The following DNHD1 variants were observed in gnomAD, a reference collection of about 807,000 sequenced individuals.
DNHD1 encodes dynein heavy chain domain-containing protein 1.
DNHD1 carries 383 observed loss-of-function variants against 458.1 expected under a neutral mutation model. That is an observed-to-expected ratio of 0.84 (90% CI 0.77 to 0.91). The LOEUF is 0.91. Ranked by LOEUF, DNHD1 falls within the 40% of genes least tolerant of loss-of-function variation. The pLI, the probability that DNHD1 is intolerant of heterozygous loss-of-function variation, is 0.00. For missense variants in DNHD1, 5,336 were observed against 5,866.1 expected, an observed-to-expected ratio of 0.91 and a Z score of 2.95; for synonymous variants, 2,203 against 2,376.9, an observed-to-expected ratio of 0.93 and a Z score of 2.13.
At chr11:6,565,605 C>G in intron 32 of DNHD1, 90 bp from the exon 33 acceptor site, 1 of 1,322,512 alleles carries the variant, frequency 7.6e-7, no homozygotes, top group Non-Finnish European at 1.0e-6. Flanking sequence ...GCAGACCTTC[C>G]CTCATGAAAT....
chr11:6,540,324 G>C (rs1853072202), intron 18 of DNHD1, among the ~76,000 whole-genome samples: 2 of 152,104 alleles, frequency 1.3e-5, no homozygotes, highest in Admixed American at 1.3e-4. Flanking sequence ...TTCAGCAAAG[G>C]TCCTCCCCTT....
intron 10 of DNHD1, 86 bp from the exon 11 acceptor site, chr11:6,528,436 T>TGTGTGC (rs397780353): frequency 8.6e-7 from 1 of 1,160,186 alleles, no homozygotes; most frequent in Non-Finnish European, 1.2e-6. Context: ...TGTGTGTGTG[T>TGTGTGC]ACACACACTG....
In DNHD1 at chr11:6,547,488, G is replaced by T; in HGVS notation, c.6549G>T (p.Glu2183Asp). ...TCGCTGAGCTCAACCACATGGCTGA[G>T]GTTCTGGTGCCTGCAACATTGCGAT... is the stretch of plus-strand genomic sequence containing the variant. ...RTVAELNHMAEVLVPATLRFL... is the reference protein window; with the variant it reads ...RTVAELNHMADVLVPATLRFL... Residue 2183 changes from glutamate to aspartate, a missense_variant, in exon 21 of 43, where the codon GAG becomes GAT. Glu to Asp is a conservative substitution (Grantham distance 45). Coordinates refer to ENST00000254579, the MANE Select transcript of DNHD1 (RefSeq NM_144666.3). 6.4e-7 allele frequency: 1 copy of T among 1,550,922 alleles called. No individual in the cohort carries two copies. Among genetic ancestry groups the T allele is most frequent in the Non-Finnish European group, 8.7e-7 (1 of 1,146,270 alleles).
intron 28 of DNHD1, 146 bp from the exon 29 acceptor site, chr11:6,562,836 C>T: frequency 2.2e-6 from 2 of 892,406 alleles, no homozygotes; most frequent in Non-Finnish European, 3.4e-6. Flanking sequence ...ACCCAGAGCT[C>T]AGCCTCTCTC....
chr11:6,564,544 AC>A lies in DNHD1; in HGVS notation c.10501del (p.Leu3501CysfsTer14). The A allele has an allele frequency of 1.3e-6, 2 of 1,551,124 alleles. No homozygotes were observed. The highest frequency in any genetic ancestry group is 1.7e-6 in the Non-Finnish European group (2 of 1,146,892). ...AAATCTGTCAGCATACCACCAAAGA[AC>A]CCCCTGCTGGCTACACACTCTCCCT... is the stretch of plus-strand genomic sequence containing the variant. ...KQKSVSIPPK[N>X]PLLATHSPFS... On this transcript the variant is annotated frameshift_variant, in exon 32 of 43. Transcript: ENST00000254579. LOFTEE classifies it high-confidence loss of function.
chr11:6,518,875 A>G (rs757624203), intron 7 of DNHD1, among the ~76,000 whole-genome samples: 1 of 152,220 alleles, frequency 6.6e-6, no homozygotes. Flanking sequence ...TACCAGAAGT[A>G]CAATTCACAG....
chr11:6,509,922 A>G (rs1156879894), intron 6 of DNHD1, among the ~76,000 whole-genome samples: 1 of 152,158 alleles, frequency 6.6e-6, no homozygotes, highest in Non-Finnish European at 1.5e-5. Context: ...GCATCTAAAG[A>G]GGATAGTCAC....
chr11:6,562,370 G>A (rs1181101779), intron 28 of DNHD1, among the ~76,000 whole-genome samples: 1 of 152,202 alleles, frequency 6.6e-6, no homozygotes, highest in Admixed American at 6.5e-5. Flanking sequence ...AGACCCCCAA[G>A]GGAAGATTTC....
At position 6,508,951 on chromosome 11, in the gene DNHD1, T is replaced by C. The variant is rs1264793081; in HGVS notation, c.992T>C (p.Ile331Thr). The C allele has an allele frequency of 6.2e-7, 1 of 1,614,218 alleles. No homozygotes were observed. The highest frequency in any genetic ancestry group is 1.1e-5 in the South Asian group (1 of 91,088). Residue 331 changes from isoleucine to threonine, a missense_variant, in exon 5 of 43, where the codon ATC (isoleucine) becomes ACC (threonine). By Grantham distance (89) the Ile-to-Thr change is moderately conservative. This residue lies in a region of DNHD1 where 3,932 missense variants were observed against 4,365.6 expected (regional missense o/e 0.90). Coordinates refer to ENST00000254579, the MANE Select transcript of DNHD1 (RefSeq NM_144666.3). ...CACTACATCTTCTCTCCCTTTGGGATCTTGCATGTACATCCTGTGGAAGGT... is the reference window on the plus strand; with the variant it reads ...CACTACATCTTCTCTCCCTTTGGGACCTTGCATGTACATCCTGTGGAAGGT... ...PEHYIFSPFG[I>T]LHVHPVEGSE...
At position 6,538,561 on chromosome 11, in the gene DNHD1, G is replaced by C. The variant is rs73407165; in HGVS notation, c.3126+51G>C. ...TTGACTGGGAGTGGAGGACTACAGT[G>C]GTGGGGGAGGGGAAGAGTCTCAAGC... On this transcript the variant is annotated intron_variant, in intron 15 of 42. Transcript: ENST00000254579. 746 of 1,551,242 alleles carry C rather than the reference G, an allele frequency of 4.8e-4. 1 individual carries two copies. In the African/African-American group the frequency reaches 8.7e-3, roughly 18 times the overall value.
Position 6,567,229 on chromosome 11 carries a change from T to A in DNHD1, c.11720T>A (p.Leu3907Gln), listed in dbSNP as rs1425048963. 2 of 1,614,016 alleles carry A rather than the reference T, an allele frequency of 1.2e-6. No homozygotes were observed. The change falls in exon 36 of 43, where the codon CTA becomes CAA. Residue 3907 changes from leucine (L) to glutamine (Q), a missense_variant. This residue lies in a region of DNHD1 where 695 missense variants were observed against 804.2 expected (regional missense o/e 0.86). Transcript: ENST00000254579. ...INHGEDLASH[L>Q]LQLRAHLTRQ... ...CACGGGGAGGACCTGGCCAGCCATC[T>A]ACTGCAATTGAGAGCACACCTGACC...
At position 6,556,837 on chromosome 11, in the gene DNHD1, G is replaced by A. The variant is rs1853472499; in HGVS notation, c.7542G>A (p.Leu2514=). The A allele has an allele frequency of 3.2e-6, 5 of 1,551,558 alleles. No individual in the cohort carries two copies. Among genetic ancestry groups the A allele is most frequent in the Non-Finnish European group, 4.4e-6 (5 of 1,146,998 alleles). The change falls in exon 25 of 43, where the codon CTG becomes CTA. Residue 2514 remains leucine (L), a synonymous_variant. Coordinates refer to ENST00000254579, the MANE Select transcript of DNHD1 (RefSeq NM_144666.3). ...TGCCAGGATACTGTGAGCGCCCACT[G>A]TGTCCACGCCTCTTTCGACTCTTCA... The part of the protein sequence containing the change: ...VTVPGYCERP[L]CPRLFRLFTV...
rs1184884043 is a variant in DNHD1, at chr11:6,544,877, T to C, written c.3938T>C (p.Val1313Ala). 6.4e-7 allele frequency: 1 copy of C among 1,551,706 alleles called. No individual in the cohort carries two copies. Among genetic ancestry groups the C allele is most frequent in the Non-Finnish European group, 8.7e-7 (1 of 1,146,972 alleles). The change falls in exon 21 of 43, where the codon GTG (valine) becomes GCG (alanine). Residue 1313 changes from valine to alanine, a missense_variant. Val to Ala is a moderately conservative substitution (Grantham distance 64). This residue lies in a region of DNHD1 where 3,932 missense variants were observed against 4,365.6 expected (regional missense o/e 0.90). Transcript: ENST00000254579. ...VADPMVLSLVVPSAERSPYFQ... is the reference protein window; with the variant it reads ...VADPMVLSLVAPSAERSPYFQ... ...GACCCCATGGTTCTGTCACTTGTAG[T>C]GCCCAGTGCCGAGAGGAGCCCTTAC...
At chr11:6,560,042 ATCAC>A (rs1853552996) in intron 28 of DNHD1, among the ~76,000 whole-genome samples, 1 of 152,224 alleles carries the variant, frequency 6.6e-6, no homozygotes, top group Non-Finnish European at 1.5e-5. Context: ...GATAGGGCTT[ATCAC>A]ACCTTCTAAA....
At chr11:6,556,319 C>G (rs928170974) in intron 24 of DNHD1, among the ~76,000 whole-genome samples, 5 of 152,158 alleles carry the variant, frequency 3.3e-5, no homozygotes, top group Admixed American at 6.5e-5. Context: ...TAACTGTATT[C>G]TCTTTGACTG....
At position 6,498,698 on chromosome 11, in the gene DNHD1, ATGCCCAGCT is replaced by A; in HGVS notation, c.489_497del (p.Ala164_Pro166del). On this transcript the variant is annotated inframe_deletion, in exon 3 of 43. Coordinates refer to ENST00000254579, the MANE Select transcript of DNHD1 (RefSeq NM_144666.3). ...AGCGGAGGCTCCATCACAGGCCCCC[ATGCCCAGCT>A]TGCCCTTTTGTGCAGGCCCAGTGGA... 6.2e-7 allele frequency: 1 copy of A among 1,614,160 alleles called. No individual in the cohort carries two copies. The highest frequency in any genetic ancestry group is 8.5e-7 in the Non-Finnish European group (1 of 1,180,026).
Position 6,544,784 on chromosome 11 carries a change from C to CA in DNHD1, c.3853-7dup. On this transcript the variant is annotated splice_polypyrimidine_tract_variant and splice_region_variant and intron_variant, in intron 20 of 42. Transcript: ENST00000254579. ...TGGCCCTCACTTTTATCCTCTCCCT[C>CA]ACCACAGAACTCTCGTTTCAAGGTC... 6.5e-7 allele frequency: 1 copy of CA among 1,548,952 alleles called. No individual in the cohort carries two copies.
chr11:6,515,061 G>A (rs536467698), intron 7 of DNHD1, among the ~76,000 whole-genome samples: 1 of 152,298 alleles, frequency 6.6e-6, no homozygotes, highest in African/African-American at 2.4e-5. Flanking sequence ...CCCTTCATGT[G>A]AGTTAAGCCC....
In DNHD1 at chr11:6,544,920, G is replaced by GC. The variant is rs1853174093; in HGVS notation, c.3982dup (p.Gln1328ProfsTer36). 6.4e-7 allele frequency: 1 copy of GC among 1,551,716 alleles called. No homozygotes were observed. Among genetic ancestry groups the GC allele is most frequent in the Non-Finnish European group, 8.7e-7 (1 of 1,146,994 alleles). ...GCCCTTACTTCCAAGGCCAGCAGCT[G>GC]CAACAACTGCTGCAAGCAGGATCGG... On this transcript the variant is annotated frameshift_variant, in exon 21 of 43. Transcript: ENST00000254579.
Sources: allele counts gnomAD v4.1 joint callset (sites outside exome capture counted in the v4.1 genomes callset), GRCh38; gene constraint gnomAD v4.1.1; regional missense constraint gnomAD v4.1.1; transcripts MANE v1.5; gene names NCBI Gene and HGNC (gene_info 2026-07-23, HGNC 2026-07-21).